The following BAALC variants were observed in gnomAD, a reference collection of about 807,000 sequenced individuals.
BAALC encodes BAALC binder of MAP3K1 and KLF4.
In BAALC, 9 loss-of-function variants were observed where a neutral mutation model predicts 15.5. That is an observed-to-expected ratio of 0.58 (90% confidence interval 0.35 to 1.02). The LOEUF (loss-of-function observed/expected upper bound fraction) is 1.02, where lower values mean the gene tolerates loss of function less well. Ranked by LOEUF, BAALC falls within the 50% of genes least tolerant of loss-of-function variation. The pLI is 0.02. For synonymous variants in BAALC, 80 were observed against 74.6 expected, an observed-to-expected ratio of 1.07 and a Z score of -0.37; for missense variants, 201 against 192.4, an observed-to-expected ratio of 1.04 and a Z score of -0.27.
intron 1 of BAALC, among the ~76,000 whole-genome samples, chr8:103,160,014 T>C (rs1811186227): frequency 6.6e-6 from 1 of 152,158 alleles, no homozygotes; most frequent in African/African-American, 2.4e-5. Context: ...CTTTTAAAAC[T>C]TTATTCTTTT....
chr8:103,185,807 T>C (rs773348919), intron 1 of BAALC, among the ~76,000 whole-genome samples: 1 of 152,196 alleles, frequency 6.6e-6, no homozygotes, highest in Non-Finnish European at 1.5e-5. Flanking sequence ...ATTAATGAAA[T>C]AGTCACAAGT....
intron 1 of BAALC, among the ~76,000 whole-genome samples, chr8:103,167,491 G>A (rs112502883): frequency 5.3e-5 from 8 of 152,102 alleles, no homozygotes; most frequent in Non-Finnish European, 1.0e-4. Context: ...TAGAGCTGGC[G>A]GCTACCATAT....
intron 1 of BAALC, among the ~76,000 whole-genome samples, chr8:103,153,547 C>A (rs935324943): frequency 1.3e-5 from 2 of 152,168 alleles, no homozygotes; most frequent in African/African-American, 4.8e-5. Context: ...TCAGACTGTG[C>A]TGTGTACGTG....
chr8:103,186,940 A>G (rs1009127587), intron 1 of BAALC, among the ~76,000 whole-genome samples: 2 of 152,172 alleles, frequency 1.3e-5, no homozygotes, highest in Non-Finnish European at 2.9e-5. Flanking sequence ...TCAGAGAGCT[A>G]TTTCACTGTT....
rs1248575470 is a variant in BAALC at position 103,229,561 on chromosome 8, A to ATGT, written c.*1465_*1467dup. The ATGT allele has an allele frequency of 6.6e-6, 1 of 152,162 alleles. No individual in the cohort carries two copies. The highest frequency in any genetic ancestry group is 1.5e-5 in the Non-Finnish European group (1 of 68,032). The allele number at this position is 152,162 out of a possible 1,614,324, so 9.4% of individuals were successfully genotyped here. A position where few individuals can be genotyped will look rare whatever the true frequency, so the allele number is the denominator to read the frequency against. ...CCATCCTGTGCCAGGTACTATGCAG[A>ATGT]TGTTGAGGGATTTGGGGTCTGGTTA... On this transcript the variant is annotated 3_prime_UTR_variant, in exon 3 of 3. Transcript: ENST00000309982.
intron 1 of BAALC, among the ~76,000 whole-genome samples, chr8:103,196,246 G>C (rs369159500): frequency 5.3e-5 from 8 of 152,026 alleles, no homozygotes; most frequent in African/African-American, 1.9e-4. Context: ...TGAAGAGGTA[G>C]GCCATGATCA....
intron 1 of BAALC, among the ~76,000 whole-genome samples, chr8:103,175,901 C>T (rs1452901514): frequency 6.6e-6 from 1 of 152,184 alleles, no homozygotes; most frequent in Admixed American, 6.5e-5. Context: ...AGAACAGTCT[C>T]ATGAGTTTAG....
At chr8:103,163,467 C>T (rs1025175358) in intron 1 of BAALC, among the ~76,000 whole-genome samples, 2 of 152,200 alleles carry the variant, frequency 1.3e-5, no homozygotes, top group African/African-American at 4.8e-5. Flanking sequence ...TCTTGTCCCT[C>T]ACACCTGCCC....
chr8:103,146,502 T>C (rs1051314992), intron 1 of BAALC, among the ~76,000 whole-genome samples: 5 of 152,220 alleles, frequency 3.3e-5, no homozygotes, highest in Non-Finnish European at 1.5e-5. Context: ...AAGGCAAGGG[T>C]TCTGTTGGGT....
chr8:103,216,734 C>T (rs1229900260), intron 2 of BAALC, among the ~76,000 whole-genome samples: 2 of 152,222 alleles, frequency 1.3e-5, no homozygotes, highest in Admixed American at 1.3e-4. Flanking sequence ...CCTCACCCTA[C>T]CAAAGTGCTA....
At chr8:103,147,834 T>C (rs1810909434) in intron 1 of BAALC, among the ~76,000 whole-genome samples, 1 of 152,210 alleles carries the variant, frequency 6.6e-6, no homozygotes, top group Non-Finnish European at 1.5e-5. Context: ...GGCCAGTCTA[T>C]ATGCCACATT....
intron 1 of BAALC, among the ~76,000 whole-genome samples, chr8:103,209,036 A>G (rs1450561532): frequency 6.6e-6 from 1 of 151,998 alleles, no homozygotes; most frequent in African/African-American, 2.4e-5. Context: ...CCTCTCACAG[A>G]CCTTTGACCC....
intron 1 of BAALC, chr8:103,198,231 T>C (rs1812138768): frequency 3.1e-6 from 2 of 642,736 alleles, no homozygotes; most frequent in Admixed American, 2.6e-5. Context: ...GTGTTTCTGT[T>C]CTTATGTATC....
At chr8:103,216,468 A>G (rs1030146989) in intron 2 of BAALC, among the ~76,000 whole-genome samples, 1 of 150,428 alleles carries the variant, frequency 6.6e-6, no homozygotes, top group Non-Finnish European at 1.5e-5. Flanking sequence ...ACTACTTATT[A>G]ATTAATTAAT....
chr8:103,178,861 T>C (rs1811662971), intron 1 of BAALC, among the ~76,000 whole-genome samples: 1 of 92,604 alleles, frequency 1.1e-5, no homozygotes, highest in South Asian at 3.6e-4. Context: ...AGACTCTGTC[T>C]CAAAAAAAAA....
At chr8:103,221,058 C>A (rs1367877977) in intron 2 of BAALC, among the ~76,000 whole-genome samples, 1 of 152,176 alleles carries the variant, frequency 6.6e-6, no homozygotes, top group Non-Finnish European at 1.5e-5. Context: ...GAATCCAGGT[C>A]TCCAGGAGCA....
At chr8:103,169,488 A>G (rs1004803553) in intron 1 of BAALC, among the ~76,000 whole-genome samples, 3 of 152,014 alleles carry the variant, frequency 2.0e-5, no homozygotes, top group African/African-American at 7.3e-5. Context: ...GGGCACTCCG[A>G]TGTTGGTTGG....
intron 1 of BAALC, among the ~76,000 whole-genome samples, chr8:103,142,875 A>T (rs1054972703): frequency 9.2e-5 from 14 of 152,194 alleles, no homozygotes; most frequent in African/African-American, 3.4e-4. Context: ...TGGGACAGAC[A>T]CACTCATTCA....
At chr8:103,178,566 A>C (rs1222752214) in intron 1 of BAALC, among the ~76,000 whole-genome samples, 2 of 152,172 alleles carry the variant, frequency 1.3e-5, no homozygotes, top group Non-Finnish European at 2.9e-5. Context: ...TGAAATAAAA[A>C]GTTTAATTTA....
Sources: allele counts gnomAD v4.1 joint callset (sites outside exome capture counted in the v4.1 genomes callset), GRCh38; gene constraint gnomAD v4.1.1; transcripts MANE v1.5; gene names NCBI Gene and HGNC (gene_info 2026-07-23, HGNC 2026-07-21).